The following UGT1A8 variants were observed in gnomAD, a reference collection of about 807,000 sequenced individuals.
UGT1A8 encodes UDP-glucuronosyltransferase 1A8.
UGT1A8 carries 39 observed loss-of-function variants against 45.3 expected under a neutral mutation model. The observed-to-expected ratio is 0.86, with a 90% CI of 0.67 to 1.12. The LOEUF (loss-of-function observed/expected upper bound fraction) is 1.12. UGT1A8 is among the 50% of genes most tolerant of loss of function. UGT1A8 has a pLI of 0.00. For missense variants in UGT1A8, 719 were observed against 664.9 expected, an observed-to-expected ratio of 1.08 and a Z score of -0.90; for synonymous variants, 275 against 249.2, an observed-to-expected ratio of 1.10 and a Z score of -0.97.
Position 233,686,983 on chromosome 2 carries a change from C to T in UGT1A8, c.855+68421C>T, listed in dbSNP as rs930412019. On this transcript the variant is annotated intron_variant, in intron 1 of 4. Transcript: ENST00000373450. ...ATTAGCAAGGCAGGGAAGTTGTACC[C>T]CAAGTCTTGGTTTCAACACTAGAGG... Among the ~76,000 whole-genome samples the T allele has an allele frequency of 2.6e-5, 4 of 152,148 alleles. No individual in the cohort carries two copies. In the South Asian group the frequency reaches 8.3e-4, roughly 32 times the overall value.
rs960316007 is a variant in UGT1A8, at chr2:233,620,617, T to A, written c.855+2055T>A. Among the ~76,000 whole-genome samples the A allele has an allele frequency of 3.1e-4, 47 of 152,222 alleles. 1 individual carries two copies. The highest frequency in any genetic ancestry group is 5.9e-5 in the Non-Finnish European group (4 of 68,038). On this transcript the variant is annotated intron_variant, in intron 1 of 4. Coordinates refer to ENST00000373450, the MANE Select transcript of UGT1A8 (RefSeq NM_019076.5). Reference sequence around the variant, plus strand: ...ATGTGTTTCTATATCTATTAAAGAATATATATGTATGAAAGTTTTTATACT... The same window carrying A: ...ATGTGTTTCTATATCTATTAAAGAAAATATATGTATGAAAGTTTTTATACT...
rs778738161 is a variant in UGT1A8, at chr2:233,672,794, G to A, written c.855+54232G>A. 5.6e-6 allele frequency: 9 copies of A among 1,612,650 alleles called. No homozygotes were observed. In the East Asian group the frequency reaches 6.7e-5, roughly 12 times the overall value. On this transcript the variant is annotated intron_variant, in intron 1 of 4. Coordinates refer to ENST00000373450, the MANE Select transcript of UGT1A8 (RefSeq NM_019076.5). ...CAGGGAAAGCCGTTGCCTATGGTAA[G>A]TTATCTCTCCTTTAGCACCTTAAGA...
intron 1 of UGT1A8, chr2:233,690,016 C>A: frequency 2.3e-6 from 1 of 440,340 alleles, no homozygotes; most frequent in Admixed American, 2.6e-5. Context: ...CCATTTTGGA[C>A]CTTCCTCAAG....
intron 1 of UGT1A8, among the ~76,000 whole-genome samples, chr2:233,717,134 A>G (rs2076550846): frequency 6.6e-6 from 1 of 152,112 alleles, no homozygotes; most frequent in African/African-American, 2.4e-5. Context: ...ATAGAACACC[A>G]CTACATGGAA....
At chr2:233,692,959 A>G (rs372856754) in intron 1 of UGT1A8, 275 of 1,607,534 alleles carry the variant, frequency 1.7e-4, no homozygotes, top group Non-Finnish European at 2.3e-4. Context: ...TGTGATTTGG[A>G]GAGTGAAAAC....
chr2:233,708,284 A>C (rs1440900276), intron 1 of UGT1A8, among the ~76,000 whole-genome samples: 1 of 152,172 alleles, frequency 6.6e-6, no homozygotes, highest in Non-Finnish European at 1.5e-5. Flanking sequence ...ATTATCATCA[A>C]ATGCTTTCAG....
chr2:233,673,311 T>A (rs1248168526), intron 1 of UGT1A8, among the ~76,000 whole-genome samples: 1 of 152,190 alleles, frequency 6.6e-6, no homozygotes, highest in Non-Finnish European at 1.5e-5. Flanking sequence ...ACAGACAGAT[T>A]TGACAAGTTC....
chr2:233,639,773 A>G (rs1433252989), intron 1 of UGT1A8, among the ~76,000 whole-genome samples: 1 of 152,222 alleles, frequency 6.6e-6, no homozygotes, highest in Non-Finnish European at 1.5e-5. Context: ...TCCAATTTCA[A>G]CATGGGATTT....
chr2:233,697,517 A>T (rs1481615958), intron 1 of UGT1A8, among the ~76,000 whole-genome samples: 185 of 146,308 alleles, frequency 1.3e-3, no homozygotes, highest in African/African-American at 3.5e-3. Context: ...TTTTTTTTTA[A>T]AAAACTTTTT....
At chr2:233,645,455 A>T (rs1042635901) in intron 1 of UGT1A8, among the ~76,000 whole-genome samples, 1 of 152,182 alleles carries the variant, frequency 6.6e-6, no homozygotes, top group Non-Finnish European at 1.5e-5. Flanking sequence ...TCAACGTCTC[A>T]TCTGAGACAA....
intron 1 of UGT1A8, among the ~76,000 whole-genome samples, chr2:233,679,775 C>G (rs535392626): frequency 1.3e-5 from 2 of 152,212 alleles, no homozygotes; most frequent in South Asian, 4.2e-4. Flanking sequence ...ATTAAATTCT[C>G]CAGTTTTAGA....
At chr2:233,746,495 C>G (rs536618082) in intron 1 of UGT1A8, among the ~76,000 whole-genome samples, 12 of 151,904 alleles carry the variant, frequency 7.9e-5, no homozygotes, top group Admixed American at 4.6e-4. Context: ...ACATGTCACT[C>G]TTTAGTAGCC....
intron 1 of UGT1A8, among the ~76,000 whole-genome samples, chr2:233,740,449 G>A (rs1478518118): frequency 1.3e-5 from 2 of 151,974 alleles, no homozygotes; most frequent in African/African-American, 4.9e-5. Flanking sequence ...AATCAGAGGA[G>A]AAGAAGATGA....
chr2:233,711,393 C>T (rs2076178723), intron 1 of UGT1A8, among the ~76,000 whole-genome samples: 1 of 152,238 alleles, frequency 6.6e-6, no homozygotes, highest in South Asian at 2.1e-4. Context: ...AGGTGTGTTC[C>T]ACCCTCACCC....
In UGT1A8 at chr2:233,722,423, G is replaced by C. The variant is rs1325775698; in HGVS notation, c.856-44611G>C. ...TCCTTGATTTAAAGTTTATGGATAG[G>C]TTGAATTATTTGATTGGTCTTCTCA... On this transcript the variant is annotated intron_variant, in intron 1 of 4. Transcript: ENST00000373450. Among the ~76,000 whole-genome samples, 3 of 152,154 alleles carry C rather than the reference G, an allele frequency of 2.0e-5. No homozygotes were observed. The East Asian group carries it at 5.8e-4, about 29-fold the overall frequency.
intron 1 of UGT1A8, among the ~76,000 whole-genome samples, chr2:233,647,398 A>G (rs1284336563): frequency 2.6e-5 from 4 of 152,210 alleles, no homozygotes; most frequent in Non-Finnish European, 5.9e-5. Flanking sequence ...TGTTGGTCTC[A>G]CAGAATGAAT....
chr2:233,642,487 C>T (rs904770547), intron 1 of UGT1A8, among the ~76,000 whole-genome samples: 1 of 152,154 alleles, frequency 6.6e-6, no homozygotes, highest in Non-Finnish European at 1.5e-5. Context: ...TGAAAGGTCG[C>T]TTATATCTGT....
chr2:233,719,696 T>C (rs748911565), intron 1 of UGT1A8: 44 of 1,613,934 alleles, frequency 2.7e-5, no homozygotes, highest in Middle Eastern at 1.6e-4. Context: ...AGGTCTGTAT[T>C]GGTGCCTTCA....
At chr2:233,662,851 A>G (rs1406584248) in intron 1 of UGT1A8, among the ~76,000 whole-genome samples, 1 of 144,666 alleles carries the variant, frequency 6.9e-6, no homozygotes, top group African/African-American at 2.6e-5. Flanking sequence ...TGAATTTTGG[A>G]CTCTGTCAAA....
Sources: allele counts gnomAD v4.1 joint callset (sites outside exome capture counted in the v4.1 genomes callset), GRCh38; gene constraint gnomAD v4.1.1; transcripts MANE v1.5; gene names NCBI Gene and HGNC (gene_info 2026-07-23, HGNC 2026-07-21).